Variants in DARS1 observed in about 807,000 individuals in gnomAD.
DARS1 encodes aspartate--tRNA ligase, cytoplasmic.
A neutral mutation model predicts 68.8 loss-of-function variants in DARS1; 51 were observed. That is an observed-to-expected ratio of 0.74 (90% CI 0.59 to 0.94). DARS1 has a LOEUF of 0.94. DARS1 is among the 40% of genes least tolerant of loss of function. DARS1 has a pLI of 0.00. For synonymous variants in DARS1, 203 were observed against 190.4 expected (o/e 1.07, Z -0.55); for missense variants, 607 against 597.3 (o/e 1.02, Z -0.17).
Position 135,907,261 on chromosome 2 carries a change from T to TTTTTTTTG in DARS1, c.*54_*55insCAAAAAAA. On this transcript the variant is annotated 3_prime_UTR_variant, in exon 16 of 16. Coordinates refer to ENST00000264161, the MANE Select transcript of DARS1 (RefSeq NM_001349.4). ...GGCTTTCTTTTTTTTTTTTTTTTTT[T>TTTTTTTTG]GAGGCAGGGTCTCGCTCTGTCATCC... 1 of 889,242 alleles carries TTTTTTTTG rather than the reference T, an allele frequency of 1.1e-6. No individual in the cohort carries two copies. The highest frequency in any genetic ancestry group is 1.7e-6 in the Non-Finnish European group (1 of 601,878). The allele number at this position is 889,242 out of a possible 1,614,324, so 55.1% of individuals were successfully genotyped here.
intron 2 of DARS1, among the ~76,000 whole-genome samples, chr2:135,981,532 T>C (rs1470013205): frequency 1.3e-5 from 2 of 152,146 alleles, no homozygotes; most frequent in Non-Finnish European, 2.9e-5. Context: ...GTGGTAAATA[T>C]AATGCAAATA....
chr2:135,961,450 G>A lies in DARS1; in HGVS notation c.266C>T (p.Ala89Val). The A allele has an allele frequency of 6.4e-7, 1 of 1,565,842 alleles. No homozygotes were observed. Among genetic ancestry groups the A allele is most frequent in the Non-Finnish European group, 8.8e-7 (1 of 1,135,892 alleles). The change falls in exon 4 of 16, where the codon GCT (alanine) becomes GTT (valine). Residue 89 changes from alanine (A) to valine (V), a missense_variant. Ala to Val is a moderately conservative substitution (Grantham distance 64). Coordinates refer to ENST00000264161, the MANE Select transcript of DARS1 (RefSeq NM_001349.4). Reference protein sequence around the residue: ...VLRQQQFNVQALVAVGDHASK... With the variant: ...VLRQQQFNVQVLVAVGDHASK... ...TGCATGGTCTCCCACCGCCACAAGA[G>A]CCTGGACATTAAACTGCTGCTGACG...
In DARS1 at chr2:135,921,032, A is replaced by C. The variant is rs1018161763; in HGVS notation, c.812-432T>G. ...CATTTATAGGAATATTTGTGATGTG[A>C]AAGATGAGTCGAGCTAGAGTCAGGA... On this transcript the variant is annotated intron_variant, in intron 9 of 15. Transcript: ENST00000264161. 2.6e-5 allele frequency among the ~76,000 whole-genome samples: 4 copies of C among 151,304 alleles called. No individual in the cohort carries two copies. In the South Asian group the frequency reaches 8.4e-4, roughly 32 times the overall value.
chr2:135,981,446 C>G (rs563295299), intron 2 of DARS1, among the ~76,000 whole-genome samples: 2 of 152,086 alleles, frequency 1.3e-5, no homozygotes, highest in Non-Finnish European at 2.9e-5. Context: ...AAATCCAAAA[C>G]TTTTTGAGTG....
At chr2:135,934,923 T>C (rs1681434482) in intron 5 of DARS1, among the ~76,000 whole-genome samples, 1 of 151,316 alleles carries the variant, frequency 6.6e-6, no homozygotes, top group Middle Eastern at 3.4e-3. Flanking sequence ...GCCTCCTGAG[T>C]AGCTGGGACT....
intron 5 of DARS1, among the ~76,000 whole-genome samples, chr2:135,936,110 A>G (rs912369974): frequency 6.6e-6 from 1 of 152,234 alleles, no homozygotes; most frequent in Non-Finnish European, 1.5e-5. Flanking sequence ...GAGTCTTCAC[A>G]TAGTGCTTGG....
At chr2:135,935,916 C>G (rs1252508082) in intron 5 of DARS1, among the ~76,000 whole-genome samples, 1 of 152,150 alleles carries the variant, frequency 6.6e-6, no homozygotes, top group Non-Finnish European at 1.5e-5. Flanking sequence ...CTCTAGTATT[C>G]CTTATTATAA....
At chr2:135,959,593 AGT>A (rs1253073897) in intron 4 of DARS1, among the ~76,000 whole-genome samples, 5 of 152,050 alleles carry the variant, frequency 3.3e-5, no homozygotes, top group African/African-American at 1.2e-4. Flanking sequence ...CATCTGATAT[AGT>A]CAATCGCTGT....
chr2:135,908,609 G>T (rs575356947), intron 15 of DARS1, among the ~76,000 whole-genome samples: 10 of 152,226 alleles, frequency 6.6e-5, no homozygotes, highest in South Asian at 2.1e-4. Flanking sequence ...TTGCCATTCT[G>T]ACTGGCGTGA....
At position 135,911,488 on chromosome 2, in the gene DARS1, C is replaced by G. The variant is rs1468982709; in HGVS notation, c.1236G>C (p.Gln412His). 1 of 942,042 alleles carries G rather than the reference C, an allele frequency of 1.1e-6. No homozygotes were observed. The highest frequency in any genetic ancestry group is 1.8e-6 in the Non-Finnish European group (1 of 568,066). 58.4% of individuals were successfully genotyped at this position (942,042 alleles called of 1,614,324 possible). A position where few individuals can be genotyped will look rare whatever the true frequency, so the allele number is the denominator to read the frequency against. ...YTMPDPRNPK[Q>H]SNSYDMFMRG... is the part of the protein sequence containing the mutation. ...TCATGAACATATCGTAAGAGTTGGA[C>G]TGTTTCTGCAAGAGAAAAAACACCA... The change falls in exon 14 of 16, where the codon CAG becomes CAC. Residue 412 changes from glutamine to histidine, a missense_variant. Transcript: ENST00000264161.
intron 3 of DARS1, among the ~76,000 whole-genome samples, chr2:135,972,140 A>T (rs992721620): frequency 6.6e-6 from 1 of 152,200 alleles, no homozygotes; most frequent in African/African-American, 2.4e-5. Flanking sequence ...CTGAGCAAAA[A>T]TAATAAAACT....
intron 11 of DARS1, among the ~76,000 whole-genome samples, chr2:135,915,487 T>G (rs1680985331): frequency 6.6e-6 from 1 of 152,100 alleles, no homozygotes; most frequent in Admixed American, 6.6e-5. Context: ...AGCATCTCTC[T>G]GTGTTGTCCA....
intron 5 of DARS1, among the ~76,000 whole-genome samples, chr2:135,936,257 T>C (rs1681470868): frequency 6.6e-6 from 1 of 152,232 alleles, no homozygotes; most frequent in Non-Finnish European, 1.5e-5. Flanking sequence ...TTATGGCAAA[T>C]TCTGTAAGCT....
intron 4 of DARS1, among the ~76,000 whole-genome samples, chr2:135,953,566 T>A (rs1315039734): frequency 6.6e-6 from 1 of 152,192 alleles, no homozygotes; most frequent in Non-Finnish European, 1.5e-5. Flanking sequence ...TAGATGCAAT[T>A]GATTATTAGA....
At chr2:135,932,481 C>T (rs1435459124) in intron 7 of DARS1, among the ~76,000 whole-genome samples, 1 of 152,114 alleles carries the variant, frequency 6.6e-6, no homozygotes, top group African/African-American at 2.4e-5. Context: ...TATGTTTCTA[C>T]TTGCTGAATA....
intron 7 of DARS1, among the ~76,000 whole-genome samples, chr2:135,932,469 G>GT (rs1681372492): frequency 6.6e-6 from 1 of 152,132 alleles, no homozygotes; most frequent in Admixed American, 6.6e-5. Context: ...GATATTAAAG[G>GT]TTATGTTTCT....
chr2:135,925,410 G>A (rs890379705), intron 7 of DARS1, among the ~76,000 whole-genome samples: 2 of 152,130 alleles, frequency 1.3e-5, no homozygotes, highest in African/African-American at 2.4e-5. Flanking sequence ...GTCTCATTAC[G>A]AGAATTTCAA....
chr2:135,919,182 C>A (rs915316154), intron 10 of DARS1, among the ~76,000 whole-genome samples: 3 of 152,146 alleles, frequency 2.0e-5, no homozygotes, highest in African/African-American at 7.2e-5. Flanking sequence ...AGGAGCGTGC[C>A]ACCATGCCCA....
At chr2:135,976,450 A>C (rs1044512814) in intron 3 of DARS1, among the ~76,000 whole-genome samples, 1 of 152,164 alleles carries the variant, frequency 6.6e-6, no homozygotes, top group Non-Finnish European at 1.5e-5. Context: ...AAAGTTTTAA[A>C]CCGTTCAGTC....
Sources: allele counts gnomAD v4.1 joint callset (sites outside exome capture counted in the v4.1 genomes callset), GRCh38; gene constraint gnomAD v4.1.1; transcripts MANE v1.5; gene names NCBI Gene and HGNC (gene_info 2026-07-23, HGNC 2026-07-21).